Variants in GREB1 observed in about 807,000 individuals in gnomAD.
The protein encoded by GREB1 is protein GREB1.
Under a neutral mutation model 200.7 loss-of-function variants are expected in GREB1, and 106 were observed. The observed-to-expected ratio is 0.53, with a 90% CI of 0.45 to 0.62. The LOEUF (loss-of-function observed/expected upper bound fraction) is 0.62, where lower values mean the gene tolerates loss of function less well. Ranked by LOEUF, GREB1 falls within the 20% of genes least tolerant of loss-of-function variation. The pLI is 0.00. For missense variants in GREB1, 2,243 were observed against 2,556.8 expected, an observed-to-expected ratio of 0.88 and a Z score of 2.65; for synonymous variants, 1,132 against 1,092.4, an observed-to-expected ratio of 1.04 and a Z score of -0.72.
At chr2:11,634,419 T>A (rs560682571) in intron 29 of GREB1, 70 bp downstream of exon 29, 18 of 1,275,204 alleles carry the variant, frequency 1.4e-5, no homozygotes, top group African/African-American at 1.3e-4. Context: ...GAGGGCAGCC[T>A]GGGGCTGCAG....
At chr2:11,621,915 C>G (rs933512514) in intron 23 of GREB1, among the ~76,000 whole-genome samples, 1 of 152,226 alleles carries the variant, frequency 6.6e-6, no homozygotes, top group African/African-American at 2.4e-5. Flanking sequence ...TGCAGCCCTG[C>G]TGAATTTGTC....
intron 1 of GREB1, among the ~76,000 whole-genome samples, chr2:11,486,515 A>G (rs1201496495): frequency 2.0e-5 from 3 of 152,030 alleles, no homozygotes; most frequent in African/African-American, 7.2e-5. Flanking sequence ...GAAGTAATAT[A>G]TATTTGTGAC....
Position 11,618,619 on chromosome 2 carries a change from C to G in GREB1, c.3744C>G (p.Ser1248=), listed in dbSNP as rs768036936. ...GTWVLQASQC[S]LTKACRQPPI... is the part of the protein sequence containing the mutation. ...GGGTCCTGCAGGCCTCCCAGTGCTCCTTGACCAAGGCCTGCCGCCAGCCAC... is the reference window on the plus strand; with the variant it reads ...GGGTCCTGCAGGCCTCCCAGTGCTCGTTGACCAAGGCCTGCCGCCAGCCAC... Residue 1248 remains serine (S), a synonymous_variant, in exon 22 of 33, where the codon TCC becomes TCG. Coordinates refer to ENST00000381486, the MANE Select transcript of GREB1 (RefSeq NM_014668.4). 3.1e-6 allele frequency: 5 copies of G among 1,613,326 alleles called. No homozygotes were observed. The African/African-American group carries it at 6.7e-5, about 21-fold the overall frequency.
Position 11,602,134 on chromosome 2 carries a change from G to C in GREB1, c.2530-272G>C, listed in dbSNP as rs796798103. 2.6e-5 allele frequency among the ~76,000 whole-genome samples: 4 copies of C among 152,290 alleles called. No homozygotes were observed. The South Asian group carries it at 8.3e-4, about 32-fold the overall frequency. On this transcript the variant is annotated intron_variant, in intron 16 of 32. Transcript: ENST00000381486. ...CAAAGAAATGTATATGTTAAAATAAGATAAGGCTGATTTTCTTCTTGGTAA... is the reference window on the plus strand; with the variant it reads ...CAAAGAAATGTATATGTTAAAATAACATAAGGCTGATTTTCTTCTTGGTAA...
chr2:11,642,011 G>T lies in GREB1; in HGVS notation c.*1557G>T, dbSNP rs998862621. On this transcript the variant is annotated 3_prime_UTR_variant, in exon 33 of 33. Coordinates refer to ENST00000381486, the MANE Select transcript of GREB1 (RefSeq NM_014668.4). ...TCTGGCTTCTGGACTCTGCAGTCCA[G>T]GTCTCCCTTCTCCCACTTGCCTACC... 3 of 152,192 alleles carry T rather than the reference G, an allele frequency of 2.0e-5. No homozygotes were observed. Among genetic ancestry groups the T allele is most frequent in the Admixed American group, 1.3e-4 (2 of 15,276 alleles). The allele number at this position is 152,192 out of a possible 1,614,324, so 9.4% of individuals were successfully genotyped here. A position where few individuals can be genotyped will look rare whatever the true frequency, so the allele number is the denominator to read the frequency against.
chr2:11,510,775 C>A (rs375606119), intron 1 of GREB1, among the ~76,000 whole-genome samples: 1 of 150,692 alleles, frequency 6.6e-6, no homozygotes, highest in Non-Finnish European at 1.5e-5. Context: ...CTGCAACCTC[C>A]GCCTCCTGGG....
chr2:11,594,850 C>G (rs767289258), intron 11 of GREB1, among the ~76,000 whole-genome samples: 1 of 152,256 alleles, frequency 6.6e-6, no homozygotes, highest in Admixed American at 6.5e-5. Context: ...CCCGCCACCA[C>G]ACCCGGCTAA....
intron 1 of GREB1, among the ~76,000 whole-genome samples, chr2:11,508,997 C>G (rs893791605): frequency 6.6e-6 from 1 of 151,566 alleles, no homozygotes; most frequent in Admixed American, 6.6e-5. Context: ...GCCTCAGCCT[C>G]CCGAGTAGCT....
At chr2:11,618,055 A>C (rs1683583763) in intron 21 of GREB1, among the ~76,000 whole-genome samples, 1 of 107,404 alleles carries the variant, frequency 9.3e-6, no homozygotes, top group Admixed American at 9.1e-5. Context: ...GAAACAGTAC[A>C]GGGGGCCTGG....
At chr2:11,552,309 C>T (rs1675933564) in intron 1 of GREB1, among the ~76,000 whole-genome samples, 1 of 152,210 alleles carries the variant, frequency 6.6e-6, no homozygotes, top group Non-Finnish European at 1.5e-5. Context: ...GAAGAAATCC[C>T]ACAGGCAGTC....
chr2:11,562,302 C>T (rs541167159), intron 2 of GREB1, among the ~76,000 whole-genome samples, 161 bp from the exon 3 acceptor site: 3 of 152,342 alleles, frequency 2.0e-5, no homozygotes, highest in South Asian at 2.1e-4. Context: ...ACTAGCTAGA[C>T]GTGCTGAGTG....
chr2:11,485,065 G>C (rs981595631), intron 1 of GREB1, among the ~76,000 whole-genome samples: 16 of 152,186 alleles, frequency 1.1e-4, no homozygotes, highest in African/African-American at 1.4e-4. Flanking sequence ...CTGTCCTCGT[G>C]ATCTGCCCGC....
At chr2:11,510,095 C>A (rs1287679562) in intron 1 of GREB1, among the ~76,000 whole-genome samples, 1 of 152,122 alleles carries the variant, frequency 6.6e-6, no homozygotes, top group Non-Finnish European at 1.5e-5. Flanking sequence ...AACATCCAGT[C>A]GCTGTTCCCT....
chr2:11,590,770 G>A (rs559477611), intron 10 of GREB1, among the ~76,000 whole-genome samples: 1 of 152,322 alleles, frequency 6.6e-6, no homozygotes, highest in South Asian at 2.1e-4. Context: ...AGCATCTGAA[G>A]CTGAAGTCAA....
chr2:11,520,915 G>C (rs1188473980), intron 1 of GREB1, among the ~76,000 whole-genome samples: 1 of 152,182 alleles, frequency 6.6e-6, no homozygotes, highest in African/African-American at 2.4e-5. Flanking sequence ...GGCAGCTGAG[G>C]TGCAGAGAGA....
intron 1 of GREB1, among the ~76,000 whole-genome samples, chr2:11,489,666 G>C (rs1174391460): frequency 6.6e-6 from 1 of 152,222 alleles, no homozygotes; most frequent in Non-Finnish European, 1.5e-5. Flanking sequence ...ATGCGTGTAA[G>C]AGTAGTTCAT....
Position 11,610,962 on chromosome 2 carries a change from G to A in GREB1, c.2941G>A (p.Glu981Lys). The change falls in exon 18 of 33, where the codon GAG (glutamate) becomes AAG (lysine). Residue 981 changes from glutamate (E) to lysine (K), a missense_variant. By Grantham distance (56) the Glu-to-Lys change is moderately conservative (BLOSUM62 1). Transcript: ENST00000381486. ...RARLALEEHF[E>K]IILGSPSSGV... Reference sequence around the variant, plus strand: ...CCGGCTGGCGCTGGAGGAGCACTTTGAGATCATCCTGGGCAGTCCCAGCTC... The same window carrying A: ...CCGGCTGGCGCTGGAGGAGCACTTTAAGATCATCCTGGGCAGTCCCAGCTC... 1 of 1,609,186 alleles carries A rather than the reference G, an allele frequency of 6.2e-7. No homozygotes were observed. The highest frequency in any genetic ancestry group is 8.5e-7 in the Non-Finnish European group (1 of 1,178,194).
chr2:11,607,725 T>A (rs1682537235), intron 17 of GREB1, among the ~76,000 whole-genome samples: 1 of 151,864 alleles, frequency 6.6e-6, no homozygotes, highest in Non-Finnish European at 1.5e-5. Context: ...TTGATGTACA[T>A]ACACATTGAT....
rs571202137 is a variant in GREB1, at chr2:11,536,069, A to G, written c.-162+1815A>G. On this transcript the variant is annotated intron_variant, in intron 1 of 32. Transcript: ENST00000381486. The stretch of plus-strand genomic sequence containing the variant: ...CAGGCAGCAGGGGAGAGAGGGAAGC[A>G]CACAGATTAACCATGGTCCTGGGAG... Among the ~76,000 whole-genome samples, 4 of 152,320 alleles carry G rather than the reference A, an allele frequency of 2.6e-5. No homozygotes were observed. The East Asian group carries it at 7.7e-4, about 29-fold the overall frequency.
Sources: allele counts gnomAD v4.1 joint callset (sites outside exome capture counted in the v4.1 genomes callset), GRCh38; gene constraint gnomAD v4.1.1; transcripts MANE v1.5; gene names NCBI Gene and HGNC (gene_info 2026-07-23, HGNC 2026-07-21).